The following HOMER1 variants were observed in gnomAD, a reference collection of about 807,000 sequenced individuals.
The protein encoded by HOMER1 is homer protein homolog 1.
HOMER1 carries 3 observed loss-of-function variants against 48.9 expected under a neutral mutation model. The ratio of observed to expected loss-of-function variants is 0.06; its 90% CI spans 0.03 to 0.16. HOMER1 has a LOEUF of 0.16. HOMER1 is among the 10% of genes least tolerant of loss of function. The pLI, the probability that HOMER1 is intolerant of heterozygous loss-of-function variation, is 1.00. For missense variants in HOMER1, 247 were observed against 411.4 expected, an observed-to-expected ratio of 0.60 and a Z score of 3.46; for synonymous variants, 134 against 146.4, an observed-to-expected ratio of 0.92 and a Z score of 0.61.
intron 1 of HOMER1, among the ~76,000 whole-genome samples, chr5:79,476,857 T>C (rs1751794020): frequency 1.3e-5 from 2 of 152,134 alleles, no homozygotes; most frequent in South Asian, 4.1e-4. Flanking sequence ...ACAAAAAAGG[T>C]ATAATTTAAT....
At chr5:79,418,554 C>T (rs1249965226) in intron 5 of HOMER1, among the ~76,000 whole-genome samples, 3 of 152,194 alleles carry the variant, frequency 2.0e-5, no homozygotes, top group Non-Finnish European at 4.4e-5. Context: ...AAAAACTCAG[C>T]TTCCCTTAAT....
intron 1 of HOMER1, among the ~76,000 whole-genome samples, chr5:79,486,401 T>C (rs1561382998): frequency 6.6e-6 from 1 of 152,124 alleles, no homozygotes; most frequent in Non-Finnish European, 1.5e-5. Flanking sequence ...AACTGCAAAG[T>C]ACAGTGTAGC....
At chr5:79,420,468 G>A (rs1051130311) in intron 5 of HOMER1, among the ~76,000 whole-genome samples, 1 of 152,120 alleles carries the variant, frequency 6.6e-6, no homozygotes, top group African/African-American at 2.4e-5. Context: ...CTACTTTCAT[G>A]ATCCAGCCAT....
intron 4 of HOMER1, among the ~76,000 whole-genome samples, chr5:79,444,211 T>C (rs1001277642): frequency 2.0e-5 from 3 of 152,162 alleles, no homozygotes; most frequent in African/African-American, 7.2e-5. Flanking sequence ...GGTCATACAA[T>C]TCAAACTAAA....
chr5:79,375,849 G>T lies in HOMER1; in HGVS notation c.*160C>A, dbSNP rs560147423. The T allele has an allele frequency of 2.4e-4, 104 of 426,406 alleles. No individual in the cohort carries two copies. Among genetic ancestry groups the T allele is most frequent in the Admixed American group, 3.4e-4 (8 of 23,300 alleles). The allele number at this position is 426,406 out of a possible 1,614,324, so 26.4% of individuals were successfully genotyped here. The stretch of plus-strand genomic sequence containing the variant: ...TACAAGCTGGATTCTAAAATTTACA[G>T]TGAAATATACAATTCCAATTTCAAA... On this transcript the variant is annotated 3_prime_UTR_variant, in exon 9 of 9. Transcript: ENST00000334082.
chr5:79,433,450 C>G (rs1750478867), intron 5 of HOMER1, among the ~76,000 whole-genome samples: 3 of 152,054 alleles, frequency 2.0e-5, no homozygotes, highest in Non-Finnish European at 4.4e-5. Context: ...AGCCTGTAAT[C>G]CCAGCTACCT....
chr5:79,375,963 G>T lies in HOMER1; in HGVS notation c.*46C>A. 1.7e-6 allele frequency: 2 copies of T among 1,173,836 alleles called. No individual in the cohort carries two copies. The highest frequency in any genetic ancestry group is 1.2e-6 in the Non-Finnish European group (1 of 817,798). The allele number at this position is 1,173,836 out of a possible 1,614,324, so 72.7% of individuals were successfully genotyped here. ...CAGAGCCTAAACAGTCCTATGAAGA[G>T]AGACAGTGTATCTTTTAATTAATTG... On this transcript the variant is annotated 3_prime_UTR_variant, in exon 9 of 9. Transcript: ENST00000334082.
intron 5 of HOMER1, among the ~76,000 whole-genome samples, chr5:79,437,448 G>T (rs1750617625): frequency 6.6e-6 from 1 of 152,058 alleles, no homozygotes; most frequent in South Asian, 2.1e-4. Flanking sequence ...AAAAGACTAT[G>T]TAATGTAAAC....
intron 8 of HOMER1, among the ~76,000 whole-genome samples, chr5:79,392,499 A>G (rs1749277062): frequency 6.6e-6 from 1 of 152,372 alleles, no homozygotes; most frequent in Middle Eastern, 3.4e-3. Context: ...TAAAGAAAAT[A>G]GTTTTCTACA....
intron 8 of HOMER1, among the ~76,000 whole-genome samples, chr5:79,389,526 T>C (rs759236953): frequency 1.3e-5 from 2 of 152,154 alleles, no homozygotes; most frequent in Non-Finnish European, 2.9e-5. Flanking sequence ...CCTCTCCTCA[T>C]GAATGGGAGT....
intron 1 of HOMER1, among the ~76,000 whole-genome samples, chr5:79,476,291 A>G (rs898500610): frequency 1.3e-5 from 2 of 152,170 alleles, no homozygotes; most frequent in African/African-American, 4.8e-5. Context: ...CACCACAACA[A>G]TGAACACAAA....
chr5:79,410,052 T>C (rs1435329418), intron 5 of HOMER1, among the ~76,000 whole-genome samples: 3 of 152,234 alleles, frequency 2.0e-5, no homozygotes. Context: ...AATAATTTTC[T>C]TTTTACAATT....
At position 79,374,997 on chromosome 5, in the gene HOMER1, G is replaced by T. The variant is rs1366334501; in HGVS notation, c.*1012C>A. ...TCTGATCAGCTGTTTGATGTAAATG[G>T]ACCCCCTTTAAAATAGCTATACACC... On this transcript the variant is annotated 3_prime_UTR_variant, in exon 9 of 9. Transcript: ENST00000334082. 1 of 151,954 alleles carries T rather than the reference G, an allele frequency of 6.6e-6. No homozygotes were observed. Among genetic ancestry groups the T allele is most frequent in the Non-Finnish European group, 1.5e-5 (1 of 67,928 alleles). 9.4% of individuals were successfully genotyped at this position (151,954 alleles called of 1,614,324 possible).
At chr5:79,388,489 A>C (rs962185553) in intron 8 of HOMER1, among the ~76,000 whole-genome samples, 1 of 152,220 alleles carries the variant, frequency 6.6e-6, no homozygotes, top group African/African-American at 2.4e-5. Context: ...ACACTTGAGT[A>C]GATGAATCTT....
At chr5:79,394,368 T>C (rs915939153) in intron 8 of HOMER1, among the ~76,000 whole-genome samples, 3 of 152,150 alleles carry the variant, frequency 2.0e-5, no homozygotes, top group Non-Finnish European at 2.9e-5. Flanking sequence ...GAGGAGGAAA[T>C]TTCTTTGAAT....
At chr5:79,472,908 A>G (rs1751662710) in intron 1 of HOMER1, among the ~76,000 whole-genome samples, 1 of 152,184 alleles carries the variant, frequency 6.6e-6, no homozygotes, top group African/African-American at 2.4e-5. Context: ...CAAACTTCCA[A>G]CTGATCCAAG....
chr5:79,402,158 G>A (rs1016285951), intron 5 of HOMER1, 103 bp from the exon 6 acceptor site: 4 of 875,302 alleles, frequency 4.6e-6, no homozygotes, highest in African/African-American at 1.8e-5. Flanking sequence ...GTCTAAGAAT[G>A]TTTTCTTTTC....
At chr5:79,409,643 G>T (rs1255952758) in intron 5 of HOMER1, among the ~76,000 whole-genome samples, 1 of 152,124 alleles carries the variant, frequency 6.6e-6, no homozygotes, top group Non-Finnish European at 1.5e-5. Flanking sequence ...TATCTGATAA[G>T]GGATTAATAT....
intron 5 of HOMER1, 108 bp from the exon 6 acceptor site, chr5:79,402,163 CT>C: frequency 3.5e-6 from 3 of 852,930 alleles, no homozygotes; most frequent in South Asian, 4.3e-5. Context: ...AGAATGTTTT[CT>C]TTTCTTTTTT....
Sources: allele counts gnomAD v4.1 joint callset (sites outside exome capture counted in the v4.1 genomes callset), GRCh38; gene constraint gnomAD v4.1.1; transcripts MANE v1.5; gene names NCBI Gene and HGNC (gene_info 2026-07-23, HGNC 2026-07-21).